Variants in PIK3R6 observed in about 807,000 individuals in gnomAD.
PIK3R6 encodes phosphoinositide-3-kinase regulatory subunit 6, also known as phosphoinositide 3-kinase regulatory subunit 6.
PIK3R6 carries 91 observed loss-of-function variants against 84.9 expected under a neutral mutation model. The observed-to-expected ratio is 1.07, with a 90% confidence interval of 0.90 to 1.28. The LOEUF is 1.28. Ranked by LOEUF, PIK3R6 falls within the 50% of genes most tolerant of loss-of-function variation. PIK3R6 has a pLI of 0.00. For synonymous variants in PIK3R6, 416 were observed against 411.4 expected (o/e 1.01, Z -0.13); for missense variants, 996 against 985.1 (o/e 1.01, Z -0.15).
At chr17:8,838,147 A>G in intron 4 of PIK3R6, 1 of 512,614 alleles carries the variant, frequency 2.0e-6, no homozygotes, top group Non-Finnish European at 3.5e-6. Context: ...GCAAAGCAAC[A>G]AACAAGTCCT....
rs756250854 is a variant in PIK3R6 at position 8,849,777 on chromosome 17, C to G, written c.13+5G>C. The G allele has an allele frequency of 5.6e-6, 9 of 1,611,880 alleles. No individual in the cohort carries two copies. Among genetic ancestry groups the G allele is most frequent in the Non-Finnish European group, 7.6e-6 (9 of 1,178,848 alleles). ...ACTAGACCCCTTTCCCCCCACCACA[C>G]TGACCTGAGCTCTCCATGGGAGCCT... On this transcript the variant is annotated splice_donor_5th_base_variant and intron_variant, in intron 2 of 19. Transcript: ENST00000619866.
intron 2 of PIK3R6, among the ~76,000 whole-genome samples, chr17:8,841,548 C>G (rs2088676249): frequency 6.6e-6 from 1 of 152,252 alleles, no homozygotes; most frequent in African/African-American, 2.4e-5. Context: ...CCCCTTCACT[C>G]TGCTCATTGG....
Position 8,835,390 on chromosome 17 carries a change from G to C in PIK3R6, c.528C>G (p.Ile176Met), listed in dbSNP as rs372846614. ...ASVCSALLLE[I>M]EAAQAQQTPE... ...GTGTCTGCTGCGCCTGGGCCGCCTC[G>C]ATCTCCAGTAGCAGAGCACTGCACA... The change falls in exon 8 of 20, where the codon ATC becomes ATG. Residue 176 changes from isoleucine to methionine, a missense_variant. Transcript: ENST00000619866. 6.2e-7 allele frequency: 1 copy of C among 1,612,160 alleles called. No individual in the cohort carries two copies. The highest frequency in any genetic ancestry group is 8.5e-7 in the Non-Finnish European group (1 of 1,178,560).
At chr17:8,826,579 A>C (rs1322002824) in intron 13 of PIK3R6, among the ~76,000 whole-genome samples, 3 of 152,192 alleles carry the variant, frequency 2.0e-5, no homozygotes, top group Non-Finnish European at 1.5e-5. Context: ...CTGAACAATG[A>C]GAACACATGG....
At chr17:8,866,348 T>C (rs1010876421) in intron 1 of PIK3R6, among the ~76,000 whole-genome samples, 12 of 152,074 alleles carry the variant, frequency 7.9e-5, no homozygotes, top group African/African-American at 2.2e-4. Flanking sequence ...CCATCCTGGC[T>C]AACACGGTGA....
chr17:8,827,807 A>AGG (rs2087995365), intron 12 of PIK3R6, among the ~76,000 whole-genome samples: 1 of 125,890 alleles, frequency 7.9e-6, no homozygotes, highest in African/African-American at 3.2e-5. Flanking sequence ...AGAGAGAGAG[A>AGG]GAGAGAGAGA....
intron 12 of PIK3R6, among the ~76,000 whole-genome samples, chr17:8,827,737 GA>G (rs2087973008): frequency 8.3e-6 from 1 of 120,438 alleles, no homozygotes; most frequent in African/African-American, 3.4e-5. Context: ...AGAGGGGAGG[GA>G]AGGGGAGAGA....
At chr17:8,858,109 CT>C (rs1352368941) in intron 1 of PIK3R6, among the ~76,000 whole-genome samples, 4 of 152,244 alleles carry the variant, frequency 2.6e-5, no homozygotes, top group Non-Finnish European at 2.9e-5. Context: ...TCCTTTGGGG[CT>C]GCTGACCACA....
At chr17:8,830,960 GGTGAAACCCC>G (rs2088212579) in intron 9 of PIK3R6, among the ~76,000 whole-genome samples, 1 of 151,724 alleles carries the variant, frequency 6.6e-6, no homozygotes, top group Non-Finnish European at 1.5e-5. Context: ...TGGCTAACAC[GGTGAAACCCC>G]GTCTCTACTA....
rs2088226208 is a variant in PIK3R6, at chr17:8,831,196, G to A, written c.803-1404C>T. Among the ~76,000 whole-genome samples, 3 of 150,314 alleles carry A rather than the reference G, an allele frequency of 2.0e-5. No individual in the cohort carries two copies. In the South Asian group the frequency reaches 6.4e-4, roughly 32 times the overall value. ...TGCACAGGGCTTAGCCAGGTGTGGTGGCACGTGCCTGTGGTCCCAGCTAGT... is the reference window on the plus strand; with the variant it reads ...TGCACAGGGCTTAGCCAGGTGTGGTAGCACGTGCCTGTGGTCCCAGCTAGT... On this transcript the variant is annotated intron_variant, in intron 9 of 19. Coordinates refer to ENST00000619866, the MANE Select transcript of PIK3R6 (RefSeq NM_001010855.4).
intron 1 of PIK3R6, among the ~76,000 whole-genome samples, chr17:8,853,121 T>C (rs1000105792): frequency 2.0e-5 from 3 of 152,144 alleles, no homozygotes; most frequent in Non-Finnish European, 4.4e-5. Flanking sequence ...TATAAAATTA[T>C]GGTGTACATC....
chr17:8,806,917 C>A (rs1207526640), intron 18 of PIK3R6, among the ~76,000 whole-genome samples: 1 of 152,218 alleles, frequency 6.6e-6, no homozygotes, highest in Non-Finnish European at 1.5e-5. Context: ...TGTATGTGGA[C>A]CTGCCTGGTT....
Position 8,839,718 on chromosome 17 carries a change from G to A in PIK3R6, c.14-21C>T, listed in dbSNP as rs748266205. 4.5e-6 allele frequency: 7 copies of A among 1,550,316 alleles called. No individual in the cohort carries two copies. In the African/African-American group the frequency reaches 6.8e-5, roughly 15 times the overall value. On this transcript the variant is annotated intron_variant, in intron 2 of 19. Coordinates refer to ENST00000619866, the MANE Select transcript of PIK3R6 (RefSeq NM_001010855.4). This position sits in a 1 kb window ranked among gnomAD's most constrained non-coding sequence, Gnocchi z 4.2. ...CACATCTGGGCAGTGGTAGGGGTGG[G>A]AGGAAACTCAGTCCACTGAACCTCA...
intron 18 of PIK3R6, among the ~76,000 whole-genome samples, chr17:8,810,316 C>A (rs910421886): frequency 1.1e-4 from 17 of 147,882 alleles, no homozygotes; most frequent in Non-Finnish European, 5.9e-5. Context: ...TCAATTACCT[C>A]CCACCAGGCC....
chr17:8,857,134 T>C (rs929697713), intron 1 of PIK3R6, among the ~76,000 whole-genome samples: 1 of 151,946 alleles, frequency 6.6e-6, no homozygotes, highest in African/African-American at 2.4e-5. Context: ...ATTCATAGCA[T>C]TTATCAGTAT....
intron 5 of PIK3R6, among the ~76,000 whole-genome samples, chr17:8,837,327 C>T (rs1378585205): frequency 2.6e-5 from 4 of 152,012 alleles, no homozygotes; most frequent in Admixed American, 6.6e-5. Flanking sequence ...CCACAGTGCC[C>T]GGGAGGCCCC....
chr17:8,811,229 G>A (rs2087349771), intron 18 of PIK3R6, among the ~76,000 whole-genome samples: 1 of 148,556 alleles, frequency 6.7e-6, no homozygotes, highest in African/African-American at 2.5e-5. Flanking sequence ...AGCCATGGCT[G>A]GAGCAGCTGG....
At chr17:8,829,827 G>T (rs908986787) in intron 9 of PIK3R6, 35 bp from the exon 10 acceptor site, 1 of 1,516,976 alleles carries the variant, frequency 6.6e-7, no homozygotes, top group Non-Finnish European at 8.9e-7. Context: ...GGCCATGGAG[G>T]AGGCCATGGG....
chr17:8,846,174 C>T (rs1171490510), intron 2 of PIK3R6, among the ~76,000 whole-genome samples: 1 of 152,168 alleles, frequency 6.6e-6, no homozygotes, highest in Non-Finnish European at 1.5e-5. Flanking sequence ...CATTCTTCTG[C>T]ATATGGCTAG....
Sources: gnomAD v4.1 joint callset for allele counts (sites outside exome capture counted in the v4.1 genomes callset) on GRCh38, gnomAD v4.1.1 for gene constraint, Gnocchi (gnomAD v3.1) non-coding constraint, MANE v1.5 for transcripts, NCBI Gene and HGNC (gene_info 2026-07-23, HGNC 2026-07-21) for gene names.